Variants in SH3YL1 observed in about 807,000 individuals in gnomAD.
SH3YL1 encodes the protein SH3 and SYLF domain containing 1.
SH3YL1 carries 41 observed loss-of-function variants against 45.8 expected under a neutral mutation model. The observed-to-expected ratio is 0.89, with a 90% CI of 0.70 to 1.16. The LOEUF is 1.16. Ranked by LOEUF, SH3YL1 falls within the 50% of genes most tolerant of loss-of-function variation. The pLI, the probability that SH3YL1 is intolerant of heterozygous loss-of-function variation, is 0.00. For missense variants in SH3YL1, 389 were observed against 409.6 expected (o/e 0.95, Z 0.43); for synonymous variants, 152 against 151.4 (o/e 1.00, Z -0.03).
intron 4 of SH3YL1, among the ~76,000 whole-genome samples, chr2:246,525 A>T (rs908763473): frequency 6.0e-5 from 9 of 150,936 alleles, no homozygotes; most frequent in African/African-American, 2.2e-4. Flanking sequence ...AGCACAGTTT[A>T]GCAGCATGAT....
intron 6 of SH3YL1, among the ~76,000 whole-genome samples, chr2:232,294 A>C (rs1668082634): frequency 6.6e-6 from 1 of 152,032 alleles, no homozygotes; most frequent in African/African-American, 2.4e-5. Flanking sequence ...TGACATGAGA[A>C]AAGACAAAGG....
intron 4 of SH3YL1, among the ~76,000 whole-genome samples, chr2:243,818 T>C (rs1668652661): frequency 6.6e-6 from 1 of 152,148 alleles, no homozygotes; most frequent in South Asian, 2.1e-4. Context: ...AAGACACTAA[T>C]GTCTCTGTAT....
At chr2:230,951 T>C (rs774553435) in intron 7 of SH3YL1, 72 bp downstream of exon 7, 11 of 1,470,364 alleles carry the variant, frequency 7.5e-6, no homozygotes, top group South Asian at 1.1e-5. Context: ...AGGAACCTGA[T>C]ATCAGGGACA....
rs745510417 is a variant in SH3YL1 at position 262,804 on chromosome 2, A to G, written c.1+1180T>C. Reference sequence around the variant, plus strand: ...AAGTTTTCCTAAACAGAACAAAAGTATCAAATCACTTTTGATGAGCAAACA... The same window carrying G: ...AAGTTTTCCTAAACAGAACAAAAGTGTCAAATCACTTTTGATGAGCAAACA... On this transcript the variant is annotated intron_variant, in intron 1 of 9. Transcript: ENST00000356150. 3 of 875,588 alleles carry G rather than the reference A, an allele frequency of 3.4e-6. No individual in the cohort carries two copies. In the East Asian group the frequency reaches 2.1e-4, roughly 61 times the overall value. 54.2% of individuals were successfully genotyped at this position (875,588 alleles called of 1,614,324 possible).
chr2:244,047 T>C (rs1668666310), intron 4 of SH3YL1, among the ~76,000 whole-genome samples: 1 of 152,140 alleles, frequency 6.6e-6, no homozygotes, highest in Non-Finnish European at 1.5e-5. Context: ...GCTGCCTGGA[T>C]GTGGGAGCAG....
intron 5 of SH3YL1, 96 bp downstream of exon 5, chr2:234,064 C>A (rs1053389623): frequency 3.3e-6 from 3 of 918,754 alleles, no homozygotes; most frequent in Non-Finnish European, 5.1e-6. Flanking sequence ...TGGGGATGTA[C>A]AAATCTGTTC....
At chr2:255,038 T>C (rs1041329597) in intron 1 of SH3YL1, among the ~76,000 whole-genome samples, 1 of 152,206 alleles carries the variant, frequency 6.6e-6, no homozygotes, top group African/African-American at 2.4e-5. Flanking sequence ...CCCTAAAATT[T>C]ATAAAACCAA....
In SH3YL1 at chr2:221,555, G is replaced by T. The variant is rs777481513; in HGVS notation, c.839-2554C>A. 7.2e-5 allele frequency among the ~76,000 whole-genome samples: 11 copies of T among 152,310 alleles called. 1 individual carries two copies. The highest frequency in any genetic ancestry group is 6.8e-3 in the Middle Eastern group (2 of 294). Reference sequence around the variant, plus strand: ...GAAATGAGGATAAAGCAGAGTGAGAGAGGAGGGTAGAGGAGCAACGTGGGT... The same window carrying T: ...GAAATGAGGATAAAGCAGAGTGAGATAGGAGGGTAGAGGAGCAACGTGGGT... On this transcript the variant is annotated intron_variant, in intron 9 of 9. Coordinates refer to ENST00000356150, the MANE Select transcript of SH3YL1 (RefSeq NM_015677.4).
Position 234,178 on chromosome 2 carries a change from G to A in SH3YL1, c.386C>T (p.Ala129Val), listed in dbSNP as rs1046124021. ...AACTCACCTTCCCAAGGGCCCAACC[G>A]CCACAGTCAAGTTCCCTCCGAGGGT... Reference protein sequence around the residue: ...NLTLGGNLTVAVGPLGRNLEG... With the variant: ...NLTLGGNLTVVVGPLGRNLEG... Residue 129 changes from alanine to valine, a missense_variant, in exon 5 of 10, where the codon GCG becomes GTG. Ala to Val is a moderately conservative substitution (Grantham distance 64). Coordinates refer to ENST00000356150, the MANE Select transcript of SH3YL1 (RefSeq NM_015677.4). 31 of 1,613,280 alleles carry A rather than the reference G, an allele frequency of 1.9e-5. No homozygotes were observed. The highest frequency in any genetic ancestry group is 2.3e-5 in the Non-Finnish European group (27 of 1,179,690).
intron 4 of SH3YL1, among the ~76,000 whole-genome samples, chr2:247,298 G>A (rs1668862129): frequency 6.6e-6 from 1 of 152,144 alleles, no homozygotes; most frequent in Non-Finnish European, 1.5e-5. Flanking sequence ...ATGTGCATGA[G>A]ACAGAAGCAG....
chr2:233,190 G>GGCAGC lies in SH3YL1; in HGVS notation c.439_443dup (p.Val149LeufsTer18). On this transcript the variant is annotated frameshift_variant, in exon 6 of 10. Transcript: ENST00000356150. LOFTEE classifies it high-confidence loss of function. ...CCCTTGACTTGCAGTACGTGAAGACGGCAGCGGAGCTTCTCAGGGCCACGT... is the reference window on the plus strand; with the variant it reads ...CCCTTGACTTGCAGTACGTGAAGACGGCAGCGCAGCGGAGCTTCTCAGGGCCACGT... The GGCAGC allele has an allele frequency of 6.3e-7, 1 of 1,592,542 alleles. No homozygotes were observed. The highest frequency in any genetic ancestry group is 8.6e-7 in the Non-Finnish European group (1 of 1,167,596).
At position 234,200 on chromosome 2, in the gene SH3YL1, G is replaced by T. The variant is rs780914198; in HGVS notation, c.364C>A (p.Leu122Ile). 2 of 1,613,964 alleles carry T rather than the reference G, an allele frequency of 1.2e-6. No homozygotes were observed. Among genetic ancestry groups the T allele is most frequent in the African/African-American group, 2.7e-5 (2 of 74,910 alleles). ...EAFAKGGNLT[L>I]GGNLTVAVGP... Reference sequence around the variant, plus strand: ...ACCGCCACAGTCAAGTTCCCTCCGAGGGTCAGATTTCCGCCTTTTGCAAAA... The same window carrying T: ...ACCGCCACAGTCAAGTTCCCTCCGATGGTCAGATTTCCGCCTTTTGCAAAA... The change falls in exon 5 of 10, where the codon CTC becomes ATC. Residue 122 changes from leucine (L) to isoleucine (I), a missense_variant. By Grantham distance (5) the Leu-to-Ile change is conservative (BLOSUM62 2). Transcript: ENST00000356150.
chr2:259,528 A>G (rs1203442987), intron 1 of SH3YL1: 2 of 152,030 alleles, frequency 1.3e-5, no homozygotes, highest in Non-Finnish European at 2.9e-5. Flanking sequence ...TGAAGTTCAA[A>G]TGGGAAAATA....
At chr2:228,329 A>C (rs1477020660) in intron 8 of SH3YL1, among the ~76,000 whole-genome samples, 2 of 152,204 alleles carry the variant, frequency 1.3e-5, no homozygotes, top group East Asian at 1.9e-4. Context: ...GCACAGGCAA[A>C]GGGCCTGTTT....
In SH3YL1 at chr2:233,171, A is replaced by G. The variant is rs1233790037; in HGVS notation, c.463T>C (p.Ser155Pro). 1 of 1,597,206 alleles carries G rather than the reference A, an allele frequency of 6.3e-7. No individual in the cohort carries two copies. Among genetic ancestry groups the G allele is most frequent in the Admixed American group, 1.7e-5 (1 of 57,782 alleles). Residue 155 changes from serine to proline, a missense_variant, in exon 6 of 10, where the codon TCA becomes CCA. Physicochemically the swap from Ser to Pro is moderately conservative, Grantham distance 74 (BLOSUM62 -1). Transcript: ENST00000356150. ...GACACGCCTGCAAAGAGTCCCCTTGACTTGCAGTACGTGAAGACGGCAGCG... is the reference window on the plus strand; with the variant it reads ...GACACGCCTGCAAAGAGTCCCCTTGGCTTGCAGTACGTGAAGACGGCAGCG... ...SSAAVFTYCK[S>P]RGLFAGVSLE... is the part of the protein sequence containing the mutation.
At chr2:256,402 T>A (rs1429107181) in intron 1 of SH3YL1, 1 of 152,094 alleles carries the variant, frequency 6.6e-6, no homozygotes, top group African/African-American at 2.4e-5. Flanking sequence ...TGTAAAAAAA[T>A]GTTTTATGGC....
intron 9 of SH3YL1, 73 bp from the exon 10 acceptor site, chr2:219,074 AAATT>A (rs1436890623): frequency 7.8e-7 from 1 of 1,287,656 alleles, no homozygotes; most frequent in Non-Finnish European, 1.1e-6. Context: ...GGTAAGATAA[AAATT>A]AACCACTTAG....
chr2:241,424 C>T (rs1019861312), intron 4 of SH3YL1: 1 of 151,844 alleles, frequency 6.6e-6, no homozygotes, highest in Admixed American at 6.6e-5. Context: ...ATTAGGTGCA[C>T]CAACATATGT....
At chr2:245,841 C>T (rs963605863) in intron 4 of SH3YL1, among the ~76,000 whole-genome samples, 1 of 151,860 alleles carries the variant, frequency 6.6e-6, no homozygotes, top group African/African-American at 2.4e-5. Context: ...GTTAACAAAA[C>T]AATAAACTAT....
Sources: gnomAD v4.1 joint callset for allele counts (sites outside exome capture counted in the v4.1 genomes callset) on GRCh38, gnomAD v4.1.1 for gene constraint, MANE v1.5 for transcripts, NCBI Gene and HGNC (gene_info 2026-07-23, HGNC 2026-07-21) for gene names.